The following CD2AP variants were observed in gnomAD, a reference collection of about 807,000 sequenced individuals.
CD2AP encodes the protein CD2 associated protein.
A neutral mutation model predicts 85.1 loss-of-function variants in CD2AP; 46 were observed. That is an observed-to-expected ratio of 0.54 (90% CI 0.43 to 0.69). The LOEUF (loss-of-function observed/expected upper bound fraction) is 0.69, where lower values mean the gene tolerates loss of function less well. Among genes scored for constraint, CD2AP ranks in the 30% least tolerant of loss-of-function variants. The probability of loss-of-function intolerance (pLI) is 0.00; values close to 1 mark genes in which losing one functional copy is unlikely to be tolerated. For missense variants in CD2AP, 769 were observed against 729.5 expected (o/e 1.05, Z -0.62); for synonymous variants, 255 against 252.9 (o/e 1.01, Z -0.08).
intron 4 of CD2AP, 152 bp from the exon 5 acceptor site, chr6:47,554,494 A>G (rs192969470): frequency 1.8e-4 from 128 of 696,660 alleles, no homozygotes; most frequent in Admixed American, 1.0e-3. Context: ...TCCACTTAAA[A>G]TATATTTTCT....
At chr6:47,549,827 C>T (rs1582546530) in intron 4 of CD2AP, among the ~76,000 whole-genome samples, 1 of 152,148 alleles carries the variant, frequency 6.6e-6, no homozygotes, top group East Asian at 1.9e-4. Context: ...AGGCCACAGT[C>T]ACCAAAACAG....
At chr6:47,590,342 A>G (rs564890690) in intron 11 of CD2AP, among the ~76,000 whole-genome samples, 1 of 152,278 alleles carries the variant, frequency 6.6e-6, no homozygotes, top group East Asian at 1.9e-4. Context: ...ATAAGTATAT[A>G]TAAATATATA....
At position 47,554,774 on chromosome 6, in the gene CD2AP, ATT is replaced by A; in HGVS notation, c.541+13_541+14del. The A allele has an allele frequency of 6.3e-7, 1 of 1,593,122 alleles. No individual in the cohort carries two copies. Among genetic ancestry groups the A allele is most frequent in the Non-Finnish European group, 8.6e-7 (1 of 1,168,120 alleles). On this transcript the variant is annotated intron_variant, in intron 5 of 17. Transcript: ENST00000359314. ...AAGCCCAGGACGATTCAGGTAGACT[ATT>A]TTTTAAAATTTTTAATTGATTTAAA...
At chr6:47,510,801 G>A (rs527567338) in intron 2 of CD2AP, among the ~76,000 whole-genome samples, 5 of 152,090 alleles carry the variant, frequency 3.3e-5, no homozygotes, top group Admixed American at 1.3e-4. Context: ...GGGGCCGGGC[G>A]CGGTGGCTCA....
chr6:47,535,167 T>C (rs1766999315), intron 3 of CD2AP, among the ~76,000 whole-genome samples: 1 of 152,194 alleles, frequency 6.6e-6, no homozygotes, highest in African/African-American at 2.4e-5. Flanking sequence ...ATTATTGGAA[T>C]GCTAAGAATG....
chr6:47,626,553 T>TA lies in CD2AP; in HGVS notation c.*2327dup, dbSNP rs760611351. On this transcript the variant is annotated 3_prime_UTR_variant, in exon 18 of 18. Coordinates refer to ENST00000359314, the MANE Select transcript of CD2AP (RefSeq NM_012120.3). Reference sequence around the variant, plus strand: ...TTCAGGTATTCTTTGAGACACACAGTATCATTAATTTCTGAATTGTATTTC... The same window carrying TA: ...TTCAGGTATTCTTTGAGACACACAGTAATCATTAATTTCTGAATTGTATTTC... 7 of 152,368 alleles carry TA rather than the reference T, an allele frequency of 4.6e-5. No individual in the cohort carries two copies. The highest frequency in any genetic ancestry group is 8.8e-5 in the Non-Finnish European group (6 of 67,820). The allele number at this position is 152,368 out of a possible 1,614,324, so 9.4% of individuals were successfully genotyped here.
At chr6:47,481,266 T>C (rs1027573531) in intron 1 of CD2AP, among the ~76,000 whole-genome samples, 3 of 152,222 alleles carry the variant, frequency 2.0e-5, no homozygotes, top group Admixed American at 6.5e-5. Flanking sequence ...TTAATAATTT[T>C]AGATAAGGCG....
At chr6:47,610,973 T>TATATATATATATATATATA (rs1454709863) in intron 16 of CD2AP, among the ~76,000 whole-genome samples, 12 of 30,016 alleles carry the variant, frequency 4.0e-4, no homozygotes, top group East Asian at 2.7e-3. Flanking sequence ...ATATATGTAT[T>TATATATATATATATATATA]TTTTTTTTTT....
At chr6:47,576,684 T>C in intron 7 of CD2AP, 82 bp downstream of exon 7, 1 of 1,011,750 alleles carries the variant, frequency 9.9e-7, no homozygotes, top group Non-Finnish European at 1.6e-6. Flanking sequence ...GAAGCATTTG[T>C]TACACTGTCT....
At chr6:47,512,967 A>G (rs1040646792) in intron 2 of CD2AP, among the ~76,000 whole-genome samples, 1 of 152,208 alleles carries the variant, frequency 6.6e-6, no homozygotes, top group Admixed American at 6.5e-5. Flanking sequence ...ATCTGTTACA[A>G]ATGGGTTTTA....
intron 2 of CD2AP, among the ~76,000 whole-genome samples, chr6:47,521,424 C>T (rs999849634): frequency 1.6e-4 from 25 of 151,908 alleles, no homozygotes; most frequent in Admixed American, 6.5e-4. Flanking sequence ...TGGTGGCGGG[C>T]GCCTGTAATT....
rs140382320 is a variant in CD2AP at position 47,564,896 on chromosome 6, T to C, written c.542-9168T>C. Among the ~76,000 whole-genome samples, 631 of 152,214 alleles carry C rather than the reference T, an allele frequency of 4.1e-3. 2 individuals carry two copies. The highest frequency in any genetic ancestry group is 0.015 in the African/African-American group (606 of 41,556). ...TTGCTTTCATTATTGGAATGTCATA[T>C]CCACTATATTTGATTATATCATATA... is the stretch of plus-strand genomic sequence containing the variant. On this transcript the variant is annotated intron_variant, in intron 5 of 17. Coordinates refer to ENST00000359314, the MANE Select transcript of CD2AP (RefSeq NM_012120.3).
At chr6:47,488,747 C>G (rs1765640676) in intron 1 of CD2AP, among the ~76,000 whole-genome samples, 1 of 150,948 alleles carries the variant, frequency 6.6e-6, no homozygotes, top group Non-Finnish European at 1.5e-5. Flanking sequence ...AAGAGATAGC[C>G]AGGTGTGGTG....
chr6:47,620,397 T>C (rs931826106), intron 17 of CD2AP, among the ~76,000 whole-genome samples: 2 of 152,240 alleles, frequency 1.3e-5, no homozygotes, highest in South Asian at 2.1e-4. Flanking sequence ...CTCTGTTCCA[T>C]TGATCTATGT....
At chr6:47,576,378 G>A in intron 6 of CD2AP, 146 bp from the exon 7 acceptor site, 1 of 660,624 alleles carries the variant, frequency 1.5e-6, no homozygotes, top group Non-Finnish European at 2.7e-6. Flanking sequence ...ACCTTTACCT[G>A]TTTCATTGCT....
At chr6:47,592,377 G>C (rs749069111) in intron 11 of CD2AP, among the ~76,000 whole-genome samples, 7 of 152,062 alleles carry the variant, frequency 4.6e-5, no homozygotes, top group Non-Finnish European at 1.0e-4. Context: ...TTAAATATAA[G>C]AGTTAAAACT....
At chr6:47,610,973 T>TATATATATATATATATATATATA (rs1454709863) in intron 16 of CD2AP, among the ~76,000 whole-genome samples, 5 of 30,026 alleles carry the variant, frequency 1.7e-4, no homozygotes, top group East Asian at 2.7e-3. Flanking sequence ...ATATATGTAT[T>TATATATATATATATATATATATA]TTTTTTTTTT....
At chr6:47,534,112 T>C (rs562303293) in intron 3 of CD2AP, among the ~76,000 whole-genome samples, 1 of 152,338 alleles carries the variant, frequency 6.6e-6, no homozygotes, top group African/African-American at 2.4e-5. Context: ...TTGATAGTGC[T>C]TTTTCTTCAG....
At chr6:47,496,756 G>A (rs1028309631) in intron 1 of CD2AP, among the ~76,000 whole-genome samples, 7 of 152,056 alleles carry the variant, frequency 4.6e-5, no homozygotes, top group African/African-American at 1.7e-4. Context: ...CTGTTTTAAT[G>A]TTTTGGCTTT....
Sources: gnomAD v4.1 joint callset for allele counts (sites outside exome capture counted in the v4.1 genomes callset) on GRCh38, gnomAD v4.1.1 for gene constraint, MANE v1.5 for transcripts, NCBI Gene and HGNC (gene_info 2026-07-23, HGNC 2026-07-21) for gene names.